NR3C2: variants seen among roughly 807,000 people sequenced by gnomAD.
NR3C2 encodes the protein nuclear receptor subfamily 3 group C member 2.
A neutral mutation model predicts 86.4 loss-of-function variants in NR3C2; 15 were observed. The ratio of observed to expected loss-of-function variants is 0.17; its 90% CI spans 0.12 to 0.27. The LOEUF is 0.27. Ranked by LOEUF, NR3C2 falls within the 10% of genes least tolerant of loss-of-function variation. The pLI, the probability that NR3C2 is intolerant of heterozygous loss-of-function variation, is 1.00. For missense variants in NR3C2, 960 were observed against 1,195.6 expected (o/e 0.80, Z 2.91); for synonymous variants, 458 against 450.5 (o/e 1.02, Z -0.21).
intron 2 of NR3C2, among the ~76,000 whole-genome samples, chr4:148,355,825 A>G (rs1745524363): frequency 6.6e-6 from 1 of 152,218 alleles, no homozygotes; most frequent in Admixed American, 6.5e-5. Context: ...TCAGAAATCT[A>G]AAGAGGAAAA....
At chr4:148,307,282 A>G (rs1256977872) in intron 2 of NR3C2, among the ~76,000 whole-genome samples, 1 of 152,206 alleles carries the variant, frequency 6.6e-6, no homozygotes, top group Non-Finnish European at 1.5e-5. Context: ...TGACGATTTC[A>G]GATCTAACTT....
chr4:148,249,786 T>C (rs536590364), intron 3 of NR3C2, among the ~76,000 whole-genome samples: 1 of 152,320 alleles, frequency 6.6e-6, no homozygotes, highest in South Asian at 2.1e-4. Flanking sequence ...TTTGTAAATG[T>C]AATGTTAGAG....
intron 3 of NR3C2, among the ~76,000 whole-genome samples, chr4:148,225,344 TTATC>T (rs1217472991): frequency 6.6e-6 from 1 of 152,160 alleles, no homozygotes; most frequent in African/African-American, 2.4e-5. Context: ...TTAGAAAAGT[TTATC>T]TACCTCCTAC....
chr4:148,377,297 C>T (rs1746728654), intron 2 of NR3C2, among the ~76,000 whole-genome samples: 1 of 152,190 alleles, frequency 6.6e-6, no homozygotes. Context: ...TCCACACCTG[C>T]ATGGTATGAG....
At chr4:148,430,908 G>A (rs911887703) in intron 2 of NR3C2, among the ~76,000 whole-genome samples, 11 of 151,992 alleles carry the variant, frequency 7.2e-5, no homozygotes, top group East Asian at 1.9e-4. Flanking sequence ...TCATTCTATC[G>A]TGAAAAAAAA....
At chr4:148,375,283 C>A (rs187627117) in intron 2 of NR3C2, among the ~76,000 whole-genome samples, 9 of 152,058 alleles carry the variant, frequency 5.9e-5, no homozygotes, top group Admixed American at 3.9e-4. Context: ...TGGTGAAACC[C>A]CATCTCTACT....
intron 2 of NR3C2, among the ~76,000 whole-genome samples, chr4:148,406,936 T>C (rs138083804): frequency 7.4e-4 from 112 of 152,320 alleles, no homozygotes; most frequent in African/African-American, 2.5e-3. Context: ...TGGACTTACA[T>C]GTTTTAGCCT....
chr4:148,263,838 C>A (rs1005077099), intron 2 of NR3C2, among the ~76,000 whole-genome samples: 7 of 152,200 alleles, frequency 4.6e-5, no homozygotes, highest in African/African-American at 1.7e-4. Context: ...TCTCCCTTCT[C>A]CTAACTCCTT....
intron 6 of NR3C2, among the ~76,000 whole-genome samples, chr4:148,140,545 G>T (rs1278653857): frequency 7.3e-6 from 1 of 136,944 alleles, no homozygotes; most frequent in Non-Finnish European, 1.7e-5. Context: ...GTTAAAAAAA[G>T]AAAGAAATTT....
intron 3 of NR3C2, among the ~76,000 whole-genome samples, chr4:148,246,400 A>T (rs1739314158): frequency 6.6e-6 from 1 of 152,216 alleles, no homozygotes; most frequent in African/African-American, 2.4e-5. Flanking sequence ...AAAAATATTT[A>T]ATACAGAGTT....
intron 3 of NR3C2, among the ~76,000 whole-genome samples, chr4:148,207,370 A>G (rs1737058089): frequency 6.6e-6 from 1 of 152,248 alleles, no homozygotes; most frequent in Non-Finnish European, 1.5e-5. Flanking sequence ...GTCAAACAGA[A>G]GCAGTACTGA....
chr4:148,409,164 T>C (rs1242409730), intron 2 of NR3C2, among the ~76,000 whole-genome samples: 1 of 152,172 alleles, frequency 6.6e-6, no homozygotes, highest in Non-Finnish European at 1.5e-5. Context: ...CCAGAAAGGA[T>C]ATCCCAGTTT....
At chr4:148,148,585 A>G (rs1733971892) in intron 6 of NR3C2, among the ~76,000 whole-genome samples, 1 of 152,162 alleles carries the variant, frequency 6.6e-6, no homozygotes, top group African/African-American at 2.4e-5. Context: ...AGTTCATTGA[A>G]GGCCCATGTT....
intron 3 of NR3C2, among the ~76,000 whole-genome samples, chr4:148,215,070 T>A (rs1439126736): frequency 2.0e-5 from 3 of 152,132 alleles, no homozygotes; most frequent in Admixed American, 2.0e-4. Flanking sequence ...TCTATTTCCC[T>A]CCGTGTTTGG....
At chr4:148,219,622 C>A (rs1435539898) in intron 3 of NR3C2, among the ~76,000 whole-genome samples, 5 of 152,152 alleles carry the variant, frequency 3.3e-5, no homozygotes, top group African/African-American at 4.8e-5. Context: ...TCTTAAAATA[C>A]TCCTCTCTTT....
At chr4:148,148,366 A>G (rs1733963616) in intron 6 of NR3C2, among the ~76,000 whole-genome samples, 1 of 152,214 alleles carries the variant, frequency 6.6e-6, no homozygotes, top group African/African-American at 2.4e-5. Flanking sequence ...GTCTCCCAAC[A>G]TCTGCTCTGA....
intron 2 of NR3C2, among the ~76,000 whole-genome samples, chr4:148,361,828 T>TTTGTTGTTGTTG (rs10528442): frequency 0.78 from 118,390 of 151,890 alleles, 46,379 homozygotes; most frequent in East Asian, 0.88. Flanking sequence ...ACCCTAAAGT[T>TTTGTTGTTGTTG]TTGTTGTTAT....
intron 8 of NR3C2, among the ~76,000 whole-genome samples, chr4:148,101,846 T>C (rs1483063184): frequency 6.6e-6 from 1 of 151,538 alleles, no homozygotes; most frequent in Non-Finnish European, 1.5e-5. Context: ...ATTAAGGCAA[T>C]TTTACTAAGG....
chr4:148,231,754 C>A (rs942503356), intron 3 of NR3C2, among the ~76,000 whole-genome samples: 1 of 152,108 alleles, frequency 6.6e-6, no homozygotes, highest in Non-Finnish European at 1.5e-5. Flanking sequence ...ACAGAACTTC[C>A]TTCAAAACTG....
Sources: gnomAD v4.1 joint callset for allele counts (sites outside exome capture counted in the v4.1 genomes callset) on GRCh38, gnomAD v4.1.1 for gene constraint, MANE v1.5 for transcripts, NCBI Gene and HGNC (gene_info 2026-07-23, HGNC 2026-07-21) for gene names.